SPATA16: variants seen among roughly 807,000 people sequenced by gnomAD.
SPATA16 encodes spermatogenesis associated 16, also known as spermatogenesis-associated protein 16.
A neutral mutation model predicts 63.3 loss-of-function variants in SPATA16; 36 were observed. That is an observed-to-expected ratio of 0.57 (90% CI 0.44 to 0.75). The LOEUF (loss-of-function observed/expected upper bound fraction) is 0.75, where lower values mean the gene tolerates loss of function less well. SPATA16 is among the 30% of genes least tolerant of loss of function. The pLI, the probability that SPATA16 is intolerant of heterozygous loss-of-function variation, is 0.00. For synonymous variants in SPATA16, 203 were observed against 216.7 expected (o/e 0.94, Z 0.56); for missense variants, 646 against 679.3 (o/e 0.95, Z 0.54).
chr3:172,980,334 A>G (rs957213317), intron 4 of SPATA16, among the ~76,000 whole-genome samples: 11 of 152,138 alleles, frequency 7.2e-5, no homozygotes, highest in Admixed American at 5.9e-4. Flanking sequence ...CATTCTTTCT[A>G]TTCTCCTTCA....
intron 4 of SPATA16, among the ~76,000 whole-genome samples, chr3:173,001,625 T>C (rs1007544838): frequency 6.6e-6 from 1 of 152,184 alleles, no homozygotes; most frequent in African/African-American, 2.4e-5. Flanking sequence ...CAGCAATTCA[T>C]CAGTTACATT....
At chr3:173,027,367 T>C in intron 3 of SPATA16, among the ~76,000 whole-genome samples, 1 of 152,000 alleles carries the variant, frequency 6.6e-6, no homozygotes, top group East Asian at 1.9e-4. Context: ...CAACTAAAGA[T>C]GACTTATTTA....
chr3:173,073,868 T>C (rs4894605), intron 2 of SPATA16, among the ~76,000 whole-genome samples: 63,436 of 152,000 alleles, frequency 0.42, 14,708 homozygotes, highest in African/African-American at 0.63. Flanking sequence ...AACTCCAGCC[T>C]GTGAAAGCAG....
At chr3:173,017,438 T>C (rs1452049537) in intron 4 of SPATA16, among the ~76,000 whole-genome samples, 1 of 152,208 alleles carries the variant, frequency 6.6e-6, no homozygotes, top group Admixed American at 6.5e-5. Flanking sequence ...GTTGTTTGTT[T>C]TGGGACCCAC....
intron 3 of SPATA16, among the ~76,000 whole-genome samples, chr3:173,038,818 G>T (rs1484989401): frequency 6.6e-6 from 1 of 152,104 alleles, no homozygotes; most frequent in Non-Finnish European, 1.5e-5. Flanking sequence ...GCTGAAATTT[G>T]CACAGAAATT....
At chr3:172,929,074 A>G (rs1365493017) in intron 6 of SPATA16, among the ~76,000 whole-genome samples, 1 of 152,210 alleles carries the variant, frequency 6.6e-6, no homozygotes, top group Non-Finnish European at 1.5e-5. Context: ...TAACCAGATT[A>G]TATTACCCTT....
At chr3:173,030,560 A>G (rs1039354878) in intron 3 of SPATA16, among the ~76,000 whole-genome samples, 5 of 152,112 alleles carry the variant, frequency 3.3e-5, no homozygotes, top group African/African-American at 9.6e-5. Flanking sequence ...TAGCTACTAT[A>G]AAAAATCAGA....
At chr3:172,918,521 CTG>C (rs763175781) in intron 8 of SPATA16, among the ~76,000 whole-genome samples, 19 of 151,740 alleles carry the variant, frequency 1.3e-4, no homozygotes, top group Admixed American at 6.6e-5. Context: ...TATCAGGAAA[CTG>C]TAGATTAATA....
At chr3:172,898,045 T>A (rs898048307) in intron 10 of SPATA16, among the ~76,000 whole-genome samples, 2 of 152,058 alleles carry the variant, frequency 1.3e-5, no homozygotes, top group Non-Finnish European at 2.9e-5. Context: ...TCTGTTTATA[T>A]GGTAGATTAC....
chr3:172,982,159 A>G (rs1218671520), intron 4 of SPATA16, among the ~76,000 whole-genome samples: 1 of 152,238 alleles, frequency 6.6e-6, no homozygotes, highest in Non-Finnish European at 1.5e-5. Flanking sequence ...ATTCGATGTT[A>G]CAAAGAGCCT....
intron 2 of SPATA16, among the ~76,000 whole-genome samples, chr3:173,065,172 T>C (rs1736484628): frequency 6.6e-6 from 1 of 152,338 alleles, no homozygotes; most frequent in South Asian, 2.1e-4. Flanking sequence ...AACCTACTGA[T>C]GCATATTGCA....
At chr3:173,111,580 C>T (rs1220223367) in intron 2 of SPATA16, among the ~76,000 whole-genome samples, 1 of 152,164 alleles carries the variant, frequency 6.6e-6, no homozygotes, top group Non-Finnish European at 1.5e-5. Flanking sequence ...AATACCTGTG[C>T]TAGAATTTAT....
intron 3 of SPATA16, among the ~76,000 whole-genome samples, chr3:173,044,882 A>C (rs1195962997): frequency 6.6e-6 from 1 of 152,002 alleles, no homozygotes; most frequent in East Asian, 1.9e-4. Context: ...TTTGAATTTA[A>C]TCTTAAGGTG....
At chr3:173,054,469 A>C (rs978417975) in intron 2 of SPATA16, among the ~76,000 whole-genome samples, 3 of 152,202 alleles carry the variant, frequency 2.0e-5, no homozygotes, top group Admixed American at 6.5e-5. Flanking sequence ...AAGGAATGAG[A>C]TCATGTCCTT....
chr3:172,903,661 T>A (rs1007001239), intron 10 of SPATA16, among the ~76,000 whole-genome samples: 1 of 152,238 alleles, frequency 6.6e-6, no homozygotes, highest in African/African-American at 2.4e-5. Flanking sequence ...TTCTAAGCTG[T>A]TTCCTTGAAG....
At chr3:173,013,592 G>A (rs1176163887) in intron 4 of SPATA16, among the ~76,000 whole-genome samples, 2 of 152,226 alleles carry the variant, frequency 1.3e-5, no homozygotes, top group Admixed American at 6.5e-5. Context: ...GACAAAGACA[G>A]TTAATCAAAT....
intron 6 of SPATA16, among the ~76,000 whole-genome samples, chr3:172,946,984 G>A (rs1057061006): frequency 1.4e-5 from 2 of 147,770 alleles, no homozygotes; most frequent in African/African-American, 5.4e-5. Context: ...GCTTCAGGCA[G>A]CTCAGCGCAG....
At chr3:173,098,927 A>G (rs555535249) in intron 2 of SPATA16, among the ~76,000 whole-genome samples, 10 of 152,326 alleles carry the variant, frequency 6.6e-5, no homozygotes, top group Admixed American at 6.5e-4. Flanking sequence ...ATGTTCTTTC[A>G]AAAGGATTTG....
intron 3 of SPATA16, 151 bp downstream of exon 3, chr3:173,048,798 T>C: frequency 2.0e-6 from 2 of 978,592 alleles, no homozygotes; most frequent in Non-Finnish European, 3.0e-6. Context: ...GTGGTCTCCA[T>C]GATTGCCTCA....
Sources: gnomAD v4.1 joint callset for allele counts (sites outside exome capture counted in the v4.1 genomes callset) on GRCh38, gnomAD v4.1.1 for gene constraint, MANE v1.5 for transcripts, NCBI Gene and HGNC (gene_info 2026-07-23, HGNC 2026-07-21) for gene names.